The following UPF3B variants were observed in gnomAD, a reference collection of about 807,000 sequenced individuals.
UPF3B encodes regulator of nonsense transcripts 3B.
In UPF3B, 7 loss-of-function variants were observed where a neutral mutation model predicts 40.3. That is an observed-to-expected ratio of 0.17 (90% confidence interval 0.10 to 0.33). The LOEUF is 0.33. Ranked by LOEUF, UPF3B falls within the 10% of genes least tolerant of loss-of-function variation. UPF3B has a pLI of 1.00. For missense variants in UPF3B, 229 were observed against 358.9 expected (o/e 0.64, Z 2.93); for synonymous variants, 117 against 117.3 (o/e 1.00, Z 0.01).
chrX:119,839,622 T>C (rs1428701744), intron 8 of UPF3B, among the ~76,000 whole-genome samples: 4 of 111,971 alleles, frequency 3.6e-5, no homozygotes, highest in Non-Finnish European at 5.6e-5. Context: ...GAAGGCATCA[T>C]GTAAATTACT....
intron 3 of UPF3B, among the ~76,000 whole-genome samples, chrX:119,826,250 G>A (rs1190938655): frequency 9.0e-6 from 1 of 111,222 alleles, no homozygotes; most frequent in East Asian, 2.8e-4. Context: ...GGAGGTCTAG[G>A]TGGGTGGAAA....
intron 10 of UPF3B, among the ~76,000 whole-genome samples, chrX:119,836,876 T>A (rs2056100335): frequency 9.3e-6 from 1 of 107,820 alleles, no homozygotes; most frequent in Non-Finnish European, 1.9e-5. Context: ...GGTCTTGATC[T>A]CCTGACCTCG....
At chrX:119,826,301 T>A (rs1308557062) in intron 3 of UPF3B, among the ~76,000 whole-genome samples, 2 of 110,181 alleles carry the variant, frequency 1.8e-5, no homozygotes, top group African/African-American at 6.6e-5. Context: ...GCCAACATGG[T>A]GAAACCCTGT....
chrX:119,838,591 A>ATTTTTTATT, intron 8 of UPF3B, 64 bp from the exon 9 acceptor site: 1 of 1,094,052 alleles, frequency 9.1e-7, no homozygotes, highest in Non-Finnish European at 1.3e-6. Flanking sequence ...TTAAAAACCC[A>ATTTTTTATT]GTATACCAAA....
At chrX:119,844,287 C>T (rs1309750096) in intron 4 of UPF3B, among the ~76,000 whole-genome samples, 1 of 110,842 alleles carries the variant, frequency 9.0e-6, no homozygotes, top group African/African-American at 3.3e-5. Flanking sequence ...CTGACCTCAG[C>T]AACTCTGCCC....
chrX:119,842,853 G>A (rs776592179), intron 5 of UPF3B, among the ~76,000 whole-genome samples: 175 of 111,047 alleles, frequency 1.6e-3, no homozygotes, highest in Non-Finnish European at 2.5e-3. Context: ...TCATTTTTTC[G>A]TATTTTCAAG....
rs149280875 is a variant in UPF3B at position 119,852,783 on chromosome X, G to A, written c.146C>T (p.Ala49Val). 85 of 1,211,353 alleles carry A rather than the reference G, an allele frequency of 7.0e-5. No homozygotes were observed. The highest frequency in any genetic ancestry group is 8.9e-5 in the Non-Finnish European group (80 of 895,531). ...CGGCCGACCGGGCACCTTGCTCAGC[G>A]CTTCTTTCTTCTCCTTGTTGCGATC... Reference protein sequence around the residue: ...KQDRNKEKKEALSKVVIRRLP... With the variant: ...KQDRNKEKKEVLSKVVIRRLP... Residue 49 changes from alanine (A) to valine (V), a missense_variant, in exon 1 of 11, where the codon GCG (alanine) becomes GTG (valine). Around this residue, in one of 3 missense-constraint regions of UPF3B, gnomAD observed 87 missense variants for 184.2 expected, o/e 0.47. Coordinates refer to ENST00000276201, the MANE Select transcript of UPF3B (RefSeq NM_080632.3).
At chrX:119,851,385 A>G in intron 3 of UPF3B, 110 bp downstream of exon 3, 1 of 560,305 alleles carries the variant, frequency 1.8e-6, no homozygotes, top group Non-Finnish European at 3.1e-6. Flanking sequence ...ATAAGACTGC[A>G]ATAAGCTTAT....
intron 5 of UPF3B, among the ~76,000 whole-genome samples, chrX:119,808,661 G>C (rs745782533): frequency 9.5e-6 from 1 of 105,509 alleles, no homozygotes; most frequent in South Asian, 4.4e-4. Flanking sequence ...ATCCAGAGCT[G>C]GACAGGCAAG....
At chrX:119,837,641 AGAT>A in intron 10 of UPF3B, 113 bp downstream of exon 10, 1 of 675,575 alleles carries the variant, frequency 1.5e-6, no homozygotes. Context: ...AAAAAGTTGC[AGAT>A]GATTAAAGTT....
chrX:119,850,895 C>T (rs1242528132), intron 3 of UPF3B, among the ~76,000 whole-genome samples: 1 of 111,818 alleles, frequency 8.9e-6, no homozygotes, highest in Non-Finnish European at 1.9e-5. Flanking sequence ...TGGACCGCCA[C>T]GCCTGGCTAA....
rs2056301386 is a variant in UPF3B, at chrX:119,851,489, A to G, written c.370+6T>C. ...TTCCCTTTTTACTTCAGTTACCAGG[A>G]CTCACCTTTATTGTCAAGGAATACA... On this transcript the variant is annotated splice_donor_region_variant and intron_variant, in intron 3 of 10. Transcript: ENST00000276201. 2.6e-6 allele frequency: 3 copies of G among 1,162,265 alleles called. No homozygotes were observed. In the East Asian group the frequency reaches 8.9e-5, roughly 35 times the overall value.
chrX:119,848,635 TA>T (rs1162196752), intron 3 of UPF3B, among the ~76,000 whole-genome samples: 8 of 100,272 alleles, frequency 8.0e-5, no homozygotes, highest in African/African-American at 2.8e-4. Flanking sequence ...TTACAATTTT[TA>T]AAAATGCAAA....
intron 8 of UPF3B, 118 bp from the exon 9 acceptor site, chrX:119,838,645 A>G (rs2056129281): frequency 1.1e-5 from 8 of 704,344 alleles, no homozygotes; most frequent in Middle Eastern, 4.8e-4. Flanking sequence ...CTCTGCAGGT[A>G]CACTTAATCT....
At chrX:119,841,624 G>A (rs546242433) in intron 6 of UPF3B, 111 bp downstream of exon 6, 2 of 771,122 alleles carry the variant, frequency 2.6e-6, no homozygotes, top group Middle Eastern at 3.8e-4. Flanking sequence ...AAGAGTAATG[G>A]TGGAAAAAGC....
intron 5 of UPF3B, among the ~76,000 whole-genome samples, chrX:119,807,742 C>T (rs897613524): frequency 9.0e-6 from 1 of 111,519 alleles, no homozygotes; most frequent in Non-Finnish European, 1.9e-5. Context: ...TTTCCTCTCT[C>T]CATCTCCAAA....
intron 3 of UPF3B, 63 bp downstream of exon 3, chrX:119,851,432 G>C: frequency 3.6e-6 from 3 of 826,595 alleles, no homozygotes; most frequent in Admixed American, 4.5e-5. Context: ...CGCAATGCAC[G>C]AGTTGTCTTA....
chrX:119,836,659 T>C (rs2147781355), intron 10 of UPF3B, among the ~76,000 whole-genome samples: 1 of 108,705 alleles, frequency 9.2e-6, no homozygotes, highest in East Asian at 2.9e-4. Flanking sequence ...TCGATTTTTT[T>C]TTTTTTTTTG....
At chrX:119,805,464 A>G (rs1482210676) in intron 6 of UPF3B, 3 of 113,023 alleles carry the variant, frequency 2.7e-5, no homozygotes, top group Non-Finnish European at 5.5e-5. Flanking sequence ...TGGATTGTCA[A>G]GAATCAAACA....
Sources: allele counts gnomAD v4.1 joint callset (sites outside exome capture counted in the v4.1 genomes callset), GRCh38; gene constraint gnomAD v4.1.1; regional missense constraint gnomAD v4.1.1; transcripts MANE v1.5; gene names NCBI Gene and HGNC (gene_info 2026-07-23, HGNC 2026-07-21).